The following GRIP1 variants were observed in gnomAD, a reference collection of about 807,000 sequenced individuals.
GRIP1 encodes the protein glutamate receptor interacting protein 1.
In GRIP1, 45 loss-of-function variants were observed where a neutral mutation model predicts 129.9. The observed-to-expected ratio is 0.35, with a 90% confidence interval of 0.27 to 0.44. The LOEUF (loss-of-function observed/expected upper bound fraction) is 0.44. GRIP1 is among the 20% of genes least tolerant of loss of function. GRIP1 has a pLI of 1.00. For missense variants in GRIP1, 1,196 were observed against 1,396.8 expected, an observed-to-expected ratio of 0.86 and a Z score of 2.29; for synonymous variants, 530 against 520.8, an observed-to-expected ratio of 1.02 and a Z score of -0.24.
In GRIP1 at chr12:66,723,292, CTTTCTTTCTTTCTTT is replaced by C. The variant is rs2036139855; in HGVS notation, c.-420+80746_-420+80760del. On this transcript the variant is annotated intron_variant, in intron 1 of 4. Transcript: ENST00000538373. ...CCTTCCTTCCTTCCTTCCTTTCTTT[CTTTCTTTCTTTCTTT>C]TTTTTTTTTTTTTTTTTTTTTTTGA... Among the ~76,000 whole-genome samples, 60 of 28,290 alleles carry C rather than the reference CTTTCTTTCTTTCTTT, an allele frequency of 2.1e-3. 6 individuals carry two copies. The highest frequency in any genetic ancestry group is 8.4e-3 in the African/African-American group (47 of 5,596). The allele number at this position is 28,290 out of a possible 152,430, so 18.6% of individuals were successfully genotyped here. A position where few individuals can be genotyped will look rare whatever the true frequency, so the allele number is the denominator to read the frequency against.
intron 1 of GRIP1, among the ~76,000 whole-genome samples, chr12:66,874,823 C>T (rs1028608357): frequency 6.6e-6 from 1 of 151,982 alleles, no homozygotes; most frequent in Non-Finnish European, 1.5e-5. Flanking sequence ...TTACTGTTCC[C>T]CAGTGGGAAA....
At position 67,016,073 on chromosome 12, in the gene GRIP1, T is replaced by C. The variant is rs368780593; in HGVS notation, c.58+52977A>G. Among the ~76,000 whole-genome samples, 6 of 152,238 alleles carry C rather than the reference T, an allele frequency of 3.9e-5. No individual in the cohort carries two copies. The East Asian group carries it at 9.6e-4, about 24-fold the overall frequency. ...TTATGGGGATGCCTAAAGTCCTTCA[T>C]GTCATTTGTACTGCAGTAGTTTTAG... On this transcript the variant is annotated intron_variant, in intron 1 of 1. Coordinates refer to the GRIP1 transcript ENST00000643019.
At chr12:66,385,183 A>C (rs1456140100) in intron 19 of GRIP1, among the ~76,000 whole-genome samples, 2 of 152,238 alleles carry the variant, frequency 1.3e-5, no homozygotes, top group East Asian at 1.9e-4. Context: ...TTAAATTAAA[A>C]ATTGATAAAA....
chr12:66,842,522 C>G (rs894735083), intron 1 of GRIP1, among the ~76,000 whole-genome samples: 1 of 152,102 alleles, frequency 6.6e-6, no homozygotes, highest in Non-Finnish European at 1.5e-5. Context: ...AGTATTAACA[C>G]TTACATAGTG....
At chr12:66,926,957 T>C (rs2041306840) in intron 1 of GRIP1, among the ~76,000 whole-genome samples, 5 of 152,242 alleles carry the variant, frequency 3.3e-5, no homozygotes, top group Admixed American at 3.3e-4. Context: ...AGAATGCTCA[T>C]CATTCATTCA....
chr12:66,373,367 G>C (rs946736488), intron 22 of GRIP1, among the ~76,000 whole-genome samples: 11 of 152,184 alleles, frequency 7.2e-5, no homozygotes, highest in Admixed American at 5.9e-4. Context: ...GGGATTACAG[G>C]TGTAAGTCAC....
intron 1 of GRIP1, among the ~76,000 whole-genome samples, chr12:67,029,846 A>C (rs1829153762): frequency 6.6e-6 from 1 of 151,832 alleles, no homozygotes; most frequent in South Asian, 2.1e-4. Context: ...AAGACATTCA[A>C]GTTCTTCAAA....
chr12:67,055,504 A>G (rs1188441992), intron 1 of GRIP1, among the ~76,000 whole-genome samples: 1 of 152,234 alleles, frequency 6.6e-6, no homozygotes, highest in Admixed American at 6.5e-5. Flanking sequence ...TGGTAATGGT[A>G]AAGTCTAGGG....
At chr12:66,565,711 T>G (rs980684288) in intron 2 of GRIP1, among the ~76,000 whole-genome samples, 11 of 152,350 alleles carry the variant, frequency 7.2e-5, no homozygotes, top group Admixed American at 2.0e-4. Context: ...TAAGTTACCT[T>G]GGGCAGTATG....
chr12:66,411,632 T>C (rs1248304657), intron 15 of GRIP1, among the ~76,000 whole-genome samples: 3 of 152,184 alleles, frequency 2.0e-5, no homozygotes, highest in African/African-American at 7.2e-5. Context: ...GAAGCTGAGA[T>C]GACTGAATTG....
intron 5 of GRIP1, among the ~76,000 whole-genome samples, chr12:66,522,951 A>G (rs896675241): frequency 6.6e-6 from 1 of 152,210 alleles, no homozygotes; most frequent in Non-Finnish European, 1.5e-5. Flanking sequence ...GAAATGAATG[A>G]AATGAAGCAA....
chr12:67,044,697 G>A (rs1335484712), intron 1 of GRIP1, among the ~76,000 whole-genome samples: 4 of 151,974 alleles, frequency 2.6e-5, no homozygotes, highest in African/African-American at 4.8e-5. Flanking sequence ...CTGTCATAAT[G>A]TTTCCATTTT....
intron 1 of GRIP1, among the ~76,000 whole-genome samples, chr12:66,929,839 C>T (rs190930625): frequency 2.6e-5 from 4 of 152,308 alleles, no homozygotes; most frequent in African/African-American, 9.6e-5. Context: ...ACCTGCTCAT[C>T]TGCCTTCCTT....
At position 66,989,361 on chromosome 12, in the gene GRIP1, T is replaced by C. The variant is rs184935852; in HGVS notation, c.58+79689A>G. Reference sequence around the variant, plus strand: ...TACTGAATGAATGTGGTGAGGTTTCTTGCCTTGTTGAAAAGCGTCAAATTT... The same window carrying C: ...TACTGAATGAATGTGGTGAGGTTTCCTGCCTTGTTGAAAAGCGTCAAATTT... On this transcript the variant is annotated intron_variant, in intron 1 of 1. Transcript: ENST00000643019. 3.6e-4 allele frequency among the ~76,000 whole-genome samples: 55 copies of C among 152,370 alleles called. No homozygotes were observed. The East Asian group carries it at 6.9e-3, about 19-fold the overall frequency.
At chr12:66,416,339 A>G (rs142944992) in intron 15 of GRIP1, among the ~76,000 whole-genome samples, 1 of 152,172 alleles carries the variant, frequency 6.6e-6, no homozygotes, top group Non-Finnish European at 1.5e-5. Context: ...CTAACAATGC[A>G]TCTTAAAGAA....
chr12:66,946,766 CGGGGGGTGGGGTGGGGGAT>C (rs1566089964), intron 1 of GRIP1, among the ~76,000 whole-genome samples: 1 of 5,294 alleles, frequency 1.9e-4, no homozygotes, highest in African/African-American at 6.5e-4. Context: ...CAGCGGGGGT[CGGGGGGTGGGGTGGGGGAT>C]GGGGGGGGTG....
intron 14 of GRIP1, among the ~76,000 whole-genome samples, chr12:66,426,670 T>A (rs572667934): frequency 6.6e-6 from 1 of 152,326 alleles, no homozygotes; most frequent in East Asian, 1.9e-4. Flanking sequence ...TTAAAGAGTG[T>A]GGTCCTAAAG....
At chr12:66,484,214 G>T (rs900278914) in intron 7 of GRIP1, among the ~76,000 whole-genome samples, 12 of 152,144 alleles carry the variant, frequency 7.9e-5, no homozygotes, top group African/African-American at 2.7e-4. Flanking sequence ...TTCCTTTTTA[G>T]AAATACTATT....
chr12:66,930,289 A>T (rs2041371803), intron 1 of GRIP1, among the ~76,000 whole-genome samples: 1 of 118,722 alleles, frequency 8.4e-6, no homozygotes. Context: ...CCAGAGTGTG[A>T]TGTTCCCCTT....
Sources: gnomAD v4.1 joint callset for allele counts (sites outside exome capture counted in the v4.1 genomes callset) on GRCh38, gnomAD v4.1.1 for gene constraint, MANE v1.5 for transcripts, NCBI Gene and HGNC (gene_info 2026-07-23, HGNC 2026-07-21) for gene names.